CCDC7: variants seen among roughly 807,000 people sequenced by gnomAD.
CCDC7 encodes the protein coiled-coil domain-containing protein 7.
A neutral mutation model predicts 196.9 loss-of-function variants in CCDC7; 183 were observed. That is an observed-to-expected ratio of 0.93 (90% CI 0.82 to 1.05). The LOEUF is 1.05. Among genes scored for constraint, CCDC7 ranks in the 50% least tolerant of loss-of-function variants. CCDC7 has a pLI of 0.00. For missense variants in CCDC7, 1,540 were observed against 1,482.2 expected (o/e 1.04, Z -0.64); for synonymous variants, 525 against 484.6 (o/e 1.08, Z -1.10).
intron 20 of CCDC7, among the ~76,000 whole-genome samples, chr10:32,638,089 A>G (rs866816515): frequency 1.3e-5 from 2 of 152,200 alleles, no homozygotes; most frequent in African/African-American, 4.8e-5. Flanking sequence ...TTGTATCCTG[A>G]GACTTTGCTG....
intron 5 of CCDC7, among the ~76,000 whole-genome samples, chr10:32,467,557 A>C (rs930141132): frequency 6.6e-6 from 1 of 152,128 alleles, no homozygotes; most frequent in Non-Finnish European, 1.5e-5. Context: ...CTCTGTTGGT[A>C]GTTTTTTTTG....
chr10:32,447,584 G>A (rs1388849026), upstream of CCDC7, among the ~76,000 whole-genome samples: 1 of 152,020 alleles, frequency 6.6e-6, no homozygotes. Context: ...TGAAAGCATC[G>A]TGTCACAATC....
intron 31 of CCDC7, among the ~76,000 whole-genome samples, chr10:32,824,248 A>G (rs919772504): frequency 2.6e-5 from 4 of 152,198 alleles, no homozygotes; most frequent in African/African-American, 4.8e-5. Context: ...ATAAGGTAGC[A>G]TAAGTCTGTG....
intron 20 of CCDC7, among the ~76,000 whole-genome samples, chr10:32,641,299 T>C (rs2066754468): frequency 6.6e-6 from 1 of 152,264 alleles, no homozygotes; most frequent in Non-Finnish European, 1.5e-5. Context: ...CAATCAGATG[T>C]AGATTTGGTC....
rs118167891 is a variant in CCDC7, at chr10:32,657,081, C to T, written c.2015-6973C>T. 8.8e-3 allele frequency among the ~76,000 whole-genome samples: 1,342 copies of T among 152,338 alleles called. 11 individuals are homozygous for T. The highest frequency in any genetic ancestry group is 0.011 in the Non-Finnish European group (763 of 68,032). On this transcript the variant is annotated intron_variant, in intron 20 of 41. Coordinates refer to ENST00000639629, the Ensembl canonical transcript of CCDC7. The stretch of plus-strand genomic sequence containing the variant: ...CACACTGGTGCAAGAGGTGGGCTTC[C>T]GTGGCCTTAGGCAGCTCCACCCTTG...
At chr10:32,496,607 T>C (rs2042953937) in intron 9 of CCDC7, among the ~76,000 whole-genome samples, 1 of 152,362 alleles carries the variant, frequency 6.6e-6, no homozygotes, top group African/African-American at 2.4e-5. Context: ...TGAAGGGCTG[T>C]TGAATTTTGT....
chr10:32,794,321 A>G (rs1251526525), intron 29 of CCDC7, among the ~76,000 whole-genome samples: 1 of 152,206 alleles, frequency 6.6e-6, no homozygotes, highest in East Asian at 1.9e-4. Context: ...TCCAGTCCAC[A>G]GTTGATGACA....
chr10:32,659,869 G>A lies in CCDC7; in HGVS notation c.2015-4185G>A, dbSNP rs75737249. On this transcript the variant is annotated intron_variant, in intron 20 of 41. Coordinates refer to ENST00000639629, the Ensembl canonical transcript of CCDC7. ...AAAGGAAAAGGAACACTTATACACA[G>A]TTGGTGGGAGTGTAAATTAGTTCAA... Among the ~76,000 whole-genome samples, 23 of 152,212 alleles carry A rather than the reference G, an allele frequency of 1.5e-4. 1 individual carries two copies. The highest frequency in any genetic ancestry group is 4.1e-4 in the South Asian group (2 of 4,832).
chr10:32,553,132 T>A (rs937657813), intron 13 of CCDC7, among the ~76,000 whole-genome samples: 6 of 151,192 alleles, frequency 4.0e-5, no homozygotes, highest in Middle Eastern at 3.4e-3. Context: ...TCTTTTTTTT[T>A]ATCTTTGTTG....
Position 32,471,179 on chromosome 10 carries a change from G to A in CCDC7, c.626G>A (p.Arg209His), listed in dbSNP as rs780919773. The A allele has an allele frequency of 9.9e-5, 160 of 1,612,000 alleles. No individual in the cohort carries two copies. The South Asian group carries it at 1.2e-3, about 12-fold the overall frequency. ...CAAAGATTTGAAGAACTGAAGAATC[G>A]CCTTAAACAGAGGTCTAAATCCTCC... The change falls in exon 6 of 42, where the codon CGC becomes CAC. Residue 209 changes from arginine (R) to histidine (H), a missense_variant. Transcript: ENST00000639629.
At chr10:32,848,558 A>C in intron 38 of CCDC7, 38 bp from the exon 40 acceptor site, 1 of 1,365,780 alleles carries the variant, frequency 7.3e-7, no homozygotes, top group Admixed American at 1.8e-5. Context: ...AATAGTCAAG[A>C]GTATTCATGC....
intron 13 of CCDC7, among the ~76,000 whole-genome samples, chr10:32,547,936 C>T (rs537589247): frequency 5.3e-5 from 8 of 152,240 alleles, no homozygotes; most frequent in African/African-American, 1.4e-4. Context: ...TTTTATCCCT[C>T]GCCCACCTCC....
intron 21 of CCDC7, among the ~76,000 whole-genome samples, chr10:32,681,408 A>G (rs2075830680): frequency 6.6e-6 from 1 of 152,172 alleles, no homozygotes; most frequent in Non-Finnish European, 1.5e-5. Context: ...ACTGAACAAT[A>G]CAGTCATTGT....
chr10:32,676,949 A>AG (rs1315164436), intron 21 of CCDC7, among the ~76,000 whole-genome samples: 1 of 152,142 alleles, frequency 6.6e-6, no homozygotes, highest in Non-Finnish European at 1.5e-5. Flanking sequence ...TATTCACAAT[A>AG]CAAAGACTTG....
intron 28 of CCDC7, among the ~76,000 whole-genome samples, chr10:32,743,255 G>GT (rs2074091361): frequency 6.6e-6 from 1 of 152,088 alleles, no homozygotes; most frequent in African/African-American, 2.4e-5. Context: ...GGGGTTGTTT[G>GT]TTTTTTTCTT....
intron 39 of CCDC7, among the ~76,000 whole-genome samples, chr10:32,851,014 G>A (rs1021506022): frequency 2.6e-5 from 4 of 152,108 alleles, no homozygotes; most frequent in Non-Finnish European, 5.9e-5. Context: ...CAGGATATTG[G>A]AGGATACCAG....
At chr10:32,673,671 G>C (rs933915139) in intron 21 of CCDC7, among the ~76,000 whole-genome samples, 2 of 151,376 alleles carry the variant, frequency 1.3e-5, no homozygotes, top group African/African-American at 4.9e-5. Flanking sequence ...GTGTGTGTGT[G>C]TGTGTGTGTG....
intron 29 of CCDC7, among the ~76,000 whole-genome samples, chr10:32,793,309 C>G (rs4408223): frequency 0.92 from 140,742 of 152,204 alleles, 66,037 homozygotes; most frequent in East Asian, 1. Flanking sequence ...CTAGGGAAGA[C>G]CCTTAGGTAG....
intron 20 of CCDC7, among the ~76,000 whole-genome samples, chr10:32,647,201 A>G (rs1591074244): frequency 6.6e-6 from 1 of 152,326 alleles, no homozygotes; most frequent in Middle Eastern, 3.4e-3. Flanking sequence ...TCCTACCAAC[A>G]GTGTTTAAAT....
Sources: gnomAD v4.1 joint callset for allele counts (sites outside exome capture counted in the v4.1 genomes callset) on GRCh38, gnomAD v4.1.1 for gene constraint, MANE v1.5 for transcripts, NCBI Gene and HGNC (gene_info 2026-07-23, HGNC 2026-07-21) for gene names.